The following PRKAG2 variants were observed in gnomAD, a reference collection of about 807,000 sequenced individuals.
PRKAG2 encodes the protein protein kinase AMP-activated non-catalytic subunit gamma 2.
In PRKAG2, 26 loss-of-function variants were observed where a neutral mutation model predicts 69.6. The observed-to-expected ratio is 0.37, with a 90% CI of 0.27 to 0.52. PRKAG2 has a LOEUF of 0.52. Among genes scored for constraint, PRKAG2 ranks in the 20% least tolerant of loss-of-function variants. The probability of loss-of-function intolerance (pLI) is 0.90; values close to 1 mark genes in which losing one functional copy is unlikely to be tolerated. For missense variants in PRKAG2, 557 were observed against 740.0 expected, an observed-to-expected ratio of 0.75 and a Z score of 2.87; for synonymous variants, 293 against 285.0, an observed-to-expected ratio of 1.03 and a Z score of -0.28.
chr7:151,795,846 CATATAT>C (rs55657994), intron 1 of PRKAG2, among the ~76,000 whole-genome samples: 10,076 of 55,748 alleles, frequency 0.18, 731 homozygotes, highest in Non-Finnish European at 0.2. Context: ...AAACAAATCT[CATATAT>C]ATATATATAT....
At chr7:151,798,472 G>A (rs866172422) in intron 1 of PRKAG2, among the ~76,000 whole-genome samples, 2 of 152,086 alleles carry the variant, frequency 1.3e-5, no homozygotes, top group African/African-American at 4.8e-5. Context: ...GAGCCACCAC[G>A]CCCGGCTAAT....
At chr7:151,851,782 C>T (rs923224196) in intron 1 of PRKAG2, among the ~76,000 whole-genome samples, 3 of 152,162 alleles carry the variant, frequency 2.0e-5, no homozygotes, top group African/African-American at 7.2e-5. Flanking sequence ...CCACAGCTCA[C>T]GTCCAAAATG....
chr7:151,651,132 T>C (rs1828423336), intron 4 of PRKAG2, among the ~76,000 whole-genome samples: 1 of 152,220 alleles, frequency 6.6e-6, no homozygotes, highest in African/African-American at 2.4e-5. Context: ...AGCTTGACAA[T>C]TTCCCCATAC....
chr7:151,746,754 C>T (rs1258291614), intron 3 of PRKAG2, among the ~76,000 whole-genome samples: 1 of 152,174 alleles, frequency 6.6e-6, no homozygotes, highest in Non-Finnish European at 1.5e-5. Flanking sequence ...GAGGCTGTGG[C>T]CGGAGCCTGG....
At position 151,632,321 on chromosome 7, in the gene PRKAG2, GGCCGCCGCC is replaced by G. The variant is rs772485064; in HGVS notation, c.685-192_685-184del. 14,855 of 793,748 alleles carry G rather than the reference GGCCGCCGCC, an allele frequency of 0.019. 197 individuals carry two copies. Among genetic ancestry groups the G allele is most frequent in the Non-Finnish European group, 0.021 (13,981 of 658,090 alleles). 49.2% of individuals were successfully genotyped at this position (793,748 alleles called of 1,614,324 possible). A position where few individuals can be genotyped will look rare whatever the true frequency, so the allele number is the denominator to read the frequency against. The stretch of plus-strand genomic sequence containing the variant: ...GGGAGCGCTGCCCCCACCCGCCCGA[GGCCGCCGCC>G]GCCGCCGCAGGTGGCGCGGCCGCGG... On this transcript the variant is annotated intron_variant, in intron 4 of 15. Coordinates refer to ENST00000287878, the MANE Select transcript of PRKAG2 (RefSeq NM_016203.4). This position sits in a 1 kb window ranked among gnomAD's most constrained non-coding sequence, Gnocchi z 4.2.
At chr7:151,748,180 C>G (rs1356421428) in intron 3 of PRKAG2, among the ~76,000 whole-genome samples, 2 of 152,110 alleles carry the variant, frequency 1.3e-5, no homozygotes, top group Non-Finnish European at 2.9e-5. Context: ...CTCGGCCTCC[C>G]TAAGTGCTGG....
At chr7:151,767,193 C>A (rs1316752703) in intron 3 of PRKAG2, among the ~76,000 whole-genome samples, 1 of 152,250 alleles carries the variant, frequency 6.6e-6, no homozygotes, top group South Asian at 2.1e-4. Context: ...GGAGAAAGAA[C>A]AGACGCATGG....
At chr7:151,768,350 C>T (rs1393348809) in intron 3 of PRKAG2, among the ~76,000 whole-genome samples, 2 of 152,190 alleles carry the variant, frequency 1.3e-5, no homozygotes, top group Non-Finnish European at 1.5e-5. Context: ...GGGGAATACG[C>T]CTGCAATGAC....
Position 151,814,701 on chromosome 7 carries a change from AGCGGCTG to A in PRKAG2, c.115-28167_115-28161del. 2.4e-6 allele frequency: 3 copies of A among 1,231,644 alleles called. No homozygotes were observed. Among genetic ancestry groups the A allele is most frequent in the Non-Finnish European group, 3.0e-6 (3 of 987,962 alleles). 76.3% of individuals were successfully genotyped at this position (1,231,644 alleles called of 1,614,324 possible). On this transcript the variant is annotated intron_variant, in intron 1 of 15. Transcript: ENST00000287878. This position sits in a 1 kb window ranked among gnomAD's most constrained non-coding sequence, Gnocchi z 4.8. The stretch of plus-strand genomic sequence containing the variant: ...TCCCAGTCCCCAAGGCAGCGCAACA[AGCGGCTG>A]GCAGACAGCATGGGCTGGCCTAAGA...
intron 1 of PRKAG2, among the ~76,000 whole-genome samples, chr7:151,812,628 T>C (rs1220118942): frequency 2.6e-5 from 4 of 152,184 alleles, no homozygotes; most frequent in East Asian, 3.9e-4. Flanking sequence ...AATTTCACCC[T>C]GGGACAGGAC....
At chr7:151,688,835 CCTT>C (rs1835180610) in intron 3 of PRKAG2, among the ~76,000 whole-genome samples, 1 of 152,110 alleles carries the variant, frequency 6.6e-6, no homozygotes, top group African/African-American at 2.4e-5. Context: ...ACTTCGGGGC[CCTT>C]CTAACTCCCC....
At position 151,769,523 on chromosome 7, in the gene PRKAG2, G is replaced by A. The variant is rs116368811; in HGVS notation, c.466+11629C>T. 3.9e-3 allele frequency among the ~76,000 whole-genome samples: 589 copies of A among 152,330 alleles called. 6 individuals carry two copies. Among genetic ancestry groups the A allele is most frequent in the African/African-American group, 0.013 (525 of 41,552 alleles). ...GAGCCAAGGAACCCCAGGGTTTGTG[G>A]GCAACTGCCAGAAGCTAGGAGGGAG... On this transcript the variant is annotated intron_variant, in intron 3 of 15. Transcript: ENST00000287878.
intron 3 of PRKAG2, among the ~76,000 whole-genome samples, chr7:151,712,061 G>A (rs1477451493): frequency 6.6e-6 from 1 of 152,222 alleles, no homozygotes; most frequent in Non-Finnish European, 1.5e-5. Context: ...GTGACTGCCC[G>A]GAGGCAGTGG....
At chr7:151,681,051 C>A (rs1427741828) in intron 3 of PRKAG2, among the ~76,000 whole-genome samples, 2 of 152,214 alleles carry the variant, frequency 1.3e-5, no homozygotes, top group Non-Finnish European at 1.5e-5. Context: ...CCCCTCCCCA[C>A]CCCCTGCCGA....
intron 1 of PRKAG2, among the ~76,000 whole-genome samples, chr7:151,821,459 G>A (rs1008501050): frequency 8.5e-5 from 13 of 152,198 alleles, no homozygotes; most frequent in Non-Finnish European, 1.9e-4. Context: ...GTGCTCCGGG[G>A]CTGAATGTCT....
intron 3 of PRKAG2, among the ~76,000 whole-genome samples, chr7:151,751,113 T>C (rs1259415772): frequency 1.3e-5 from 2 of 150,836 alleles, no homozygotes; most frequent in African/African-American, 2.4e-5. Flanking sequence ...TTTTTTTTTT[T>C]TTGAGACGGA....
At chr7:151,755,237 C>T (rs2075005823) in intron 3 of PRKAG2, among the ~76,000 whole-genome samples, 1 of 152,132 alleles carries the variant, frequency 6.6e-6, no homozygotes, top group Non-Finnish European at 1.5e-5. Context: ...GGAGTGAGTT[C>T]CTCATTCTTG....
At chr7:151,559,214 G>T in intron 15 of PRKAG2, 1 of 970,840 alleles carries the variant, frequency 1.0e-6, no homozygotes, top group Non-Finnish European at 1.2e-6. Flanking sequence ...CTCCACTGTT[G>T]AATGCAGCTG....
intron 5 of PRKAG2, among the ~76,000 whole-genome samples, chr7:151,611,480 G>A (rs1463937123): frequency 1.3e-5 from 2 of 152,202 alleles, no homozygotes; most frequent in Non-Finnish European, 2.9e-5. Flanking sequence ...GGTGATTCAA[G>A]TGAAATAAAT....
Sources: allele counts gnomAD v4.1 joint callset (sites outside exome capture counted in the v4.1 genomes callset), GRCh38; gene constraint gnomAD v4.1.1; non-coding constraint Gnocchi (gnomAD v3.1); transcripts MANE v1.5; gene names NCBI Gene and HGNC (gene_info 2026-07-23, HGNC 2026-07-21).